CSMD2: variants seen among roughly 807,000 people sequenced by gnomAD.
CSMD2 encodes CUB and sushi domain-containing protein 2.
Under a neutral mutation model 398.5 loss-of-function variants are expected in CSMD2, and 130 were observed. That is an observed-to-expected ratio of 0.33 (90% CI 0.28 to 0.38). The LOEUF (loss-of-function observed/expected upper bound fraction) is 0.38, where lower values mean the gene tolerates loss of function less well. Ranked by LOEUF, CSMD2 falls within the 10% of genes least tolerant of loss-of-function variation. CSMD2 has a pLI of 1.00. For missense variants in CSMD2, 3,829 were observed against 4,764.9 expected (o/e 0.80, Z 5.78); for synonymous variants, 1,828 against 1,908.5 (o/e 0.96, Z 1.10).
At chr1:33,727,576 G>A (rs1646577934) in intron 15 of CSMD2, among the ~76,000 whole-genome samples, 1 of 152,204 alleles carries the variant, frequency 6.6e-6, no homozygotes, top group Non-Finnish European at 1.5e-5. Context: ...CAGAAGTGCT[G>A]TACATCATGT....
At chr1:33,594,789 T>C (rs928013332) in intron 44 of CSMD2, among the ~76,000 whole-genome samples, 3 of 152,246 alleles carry the variant, frequency 2.0e-5, no homozygotes, top group Admixed American at 6.5e-5. Flanking sequence ...CTTGTGATGA[T>C]GAAAATTACG....
At chr1:33,733,097 A>T (rs528569782) in intron 15 of CSMD2, among the ~76,000 whole-genome samples, 1 of 152,298 alleles carries the variant, frequency 6.6e-6, no homozygotes, top group African/African-American at 2.4e-5. Context: ...CACCTCAACC[A>T]CTGCTTCTGT....
In CSMD2 at chr1:33,957,716, C is replaced by T. The variant is rs184496255; in HGVS notation, c.518-21762G>A. Among the ~76,000 whole-genome samples the T allele has an allele frequency of 3.3e-3, 502 of 152,226 alleles. 2 individuals are homozygous for T. Among genetic ancestry groups the T allele is most frequent in the African/African-American group, 0.012 (479 of 41,522 alleles). On this transcript the variant is annotated intron_variant, in intron 3 of 70. Coordinates refer to ENST00000373381, the MANE Select transcript of CSMD2 (RefSeq NM_001281956.2). Reference sequence around the variant, plus strand: ...GGAAGGATAAGCCAGTGGGAGGAGACAGAAGGGGCAGCTGAGAGACAGTCT... The same window carrying T: ...GGAAGGATAAGCCAGTGGGAGGAGATAGAAGGGGCAGCTGAGAGACAGTCT...
chr1:34,126,600 TG>T (rs138440321), intron 1 of CSMD2, among the ~76,000 whole-genome samples: 3,004 of 152,268 alleles, frequency 0.02, 93 homozygotes, highest in African/African-American at 0.068. Context: ...CTAAGAGTCC[TG>T]TGCCCTCGCT....
chr1:33,709,231 G>A lies in CSMD2; in HGVS notation c.3434C>T (p.Thr1145Ile). 6.2e-7 allele frequency: 1 copy of A among 1,613,904 alleles called. No homozygotes were observed. The highest frequency in any genetic ancestry group is 8.5e-7 in the Non-Finnish European group (1 of 1,179,942). ...VAECGNSVTG[T>I]QGTLLSPNFP... ...GTTGGGGGACAGCAAAGTACCCTGA[G>A]TGCCTGTGACTGAATTCCCACACTC... Residue 1145 changes from threonine to isoleucine, a missense_variant, in exon 22 of 71, where the codon ACT becomes ATT. Coordinates refer to ENST00000373381, the MANE Select transcript of CSMD2 (RefSeq NM_001281956.2).
chr1:33,580,859 C>G lies in CSMD2; in HGVS notation c.7281G>C (p.Gly2427=). The G allele has an allele frequency of 6.2e-7, 1 of 1,614,054 alleles. No homozygotes were observed. The change falls in exon 48 of 71, where the codon GGG becomes GGC. Residue 2427 remains glycine (G), a synonymous_variant. Coordinates refer to ENST00000373381, the MANE Select transcript of CSMD2 (RefSeq NM_001281956.2). ...TGACAATCAGGGGAGCTGAGTAATT[C>G]CCACTGAGGGCTTTCAGCAGAGGAC... ...GQSPLLKALS[G]NYSAPLIVTS...
At chr1:34,144,384 C>T (rs533781688) in intron 1 of CSMD2, among the ~76,000 whole-genome samples, 2 of 152,310 alleles carry the variant, frequency 1.3e-5, no homozygotes, top group East Asian at 3.9e-4. Context: ...CTCTCTGACC[C>T]TTAACTCTCT....
intron 3 of CSMD2, among the ~76,000 whole-genome samples, chr1:34,031,402 A>G (rs1429996496): frequency 6.6e-6 from 1 of 152,174 alleles, no homozygotes; most frequent in Non-Finnish European, 1.5e-5. Context: ...AGGCTATTTC[A>G]GGAATCCTCA....
chr1:34,147,326 GCT>G (rs1639868658), intron 1 of CSMD2, among the ~76,000 whole-genome samples: 1 of 152,136 alleles, frequency 6.6e-6, no homozygotes, highest in Non-Finnish European at 1.5e-5. Flanking sequence ...AATGCTGGAA[GCT>G]CCAATATTAA....
At chr1:33,884,348 C>T (rs770938760) in intron 5 of CSMD2, among the ~76,000 whole-genome samples, 1 of 150,248 alleles carries the variant, frequency 6.7e-6, no homozygotes, top group Non-Finnish European at 1.5e-5. Context: ...ACTTAAGATG[C>T]CATCACCCCA....
intron 3 of CSMD2, among the ~76,000 whole-genome samples, chr1:34,025,358 G>A (rs373546114): frequency 3.9e-5 from 6 of 152,120 alleles, no homozygotes; most frequent in Admixed American, 1.3e-4. Flanking sequence ...AGCACAAATC[G>A]TGACAATGAA....
At chr1:34,088,746 T>C (rs1468023865) in intron 2 of CSMD2, among the ~76,000 whole-genome samples, 1 of 152,190 alleles carries the variant, frequency 6.6e-6, no homozygotes, top group African/African-American at 2.4e-5. Context: ...TCTAGAACCC[T>C]CTTGTGTTTT....
intron 5 of CSMD2, among the ~76,000 whole-genome samples, chr1:33,849,406 T>C (rs1252175310): frequency 6.6e-6 from 1 of 152,150 alleles, no homozygotes; most frequent in Non-Finnish European, 1.5e-5. Flanking sequence ...ATACTGAGAG[T>C]ATATACTGAG....
intron 41 of CSMD2, chr1:33,605,751 G>A (rs780503784): frequency 4.2e-5 from 38 of 901,428 alleles, no homozygotes; most frequent in Non-Finnish European, 5.3e-5. Context: ...TAGTAATTCC[G>A]TAGGAAAAGG....
chr1:33,754,582 C>A (rs1206115915), intron 13 of CSMD2, among the ~76,000 whole-genome samples: 1 of 152,168 alleles, frequency 6.6e-6, no homozygotes, highest in Non-Finnish European at 1.5e-5. Context: ...TAGGAAATAT[C>A]TGAGTTCAAT....
rs1653997739 is a variant in CSMD2 at position 33,518,906 on chromosome 1, G to A, written c.*53+559C>T. Among the ~76,000 whole-genome samples the A allele has an allele frequency of 6.6e-6, 1 of 152,080 alleles. No homozygotes were observed. The highest frequency in any genetic ancestry group is 2.1e-4 in the South Asian group (1 of 4,818). On this transcript the variant is annotated intron_variant, in intron 70 of 70. Coordinates refer to ENST00000373381, the MANE Select transcript of CSMD2 (RefSeq NM_001281956.2). The surrounding 1 kb of genome is among the most constrained non-coding windows in gnomAD (Gnocchi z 4.3). ...ATCTATATATAGATGGATAGGTATG[G>A]ATATATCTTGATATGGGGTATATGT...
At chr1:34,078,001 T>C (rs377500566) in intron 2 of CSMD2, among the ~76,000 whole-genome samples, 1 of 152,278 alleles carries the variant, frequency 6.6e-6, no homozygotes, top group East Asian at 1.9e-4. Context: ...TGAAATTTTT[T>C]TTTATTTTTA....
rs150907245 is a variant in CSMD2, at chr1:34,162,466, T to C, written c.187+2445A>G. 6.5e-3 allele frequency among the ~76,000 whole-genome samples: 996 copies of C among 152,300 alleles called. 15 individuals carry two copies. Among genetic ancestry groups the C allele is most frequent in the African/African-American group, 0.023 (951 of 41,546 alleles). The stretch of plus-strand genomic sequence containing the variant: ...AAAATGAATGTGTTTCCCCTTCTAA[T>C]GTACCAAATCCTGCCGATCTTCTGT... On this transcript the variant is annotated intron_variant, in intron 1 of 70. Transcript: ENST00000373381.
chr1:33,632,702 T>G (rs1326670780), intron 32 of CSMD2, among the ~76,000 whole-genome samples: 1 of 152,158 alleles, frequency 6.6e-6, no homozygotes, highest in Non-Finnish European at 1.5e-5. Context: ...TAAAAAGCCT[T>G]AAAGATCTCA....
Sources: gnomAD v4.1 joint callset for allele counts (sites outside exome capture counted in the v4.1 genomes callset) on GRCh38, gnomAD v4.1.1 for gene constraint, Gnocchi (gnomAD v3.1) non-coding constraint, MANE v1.5 for transcripts, NCBI Gene and HGNC (gene_info 2026-07-23, HGNC 2026-07-21) for gene names.